Variants in CAMK1D observed in about 807,000 individuals in gnomAD.
CAMK1D encodes calcium/calmodulin dependent protein kinase ID, also known as calcium/calmodulin-dependent protein kinase type 1D.
A neutral mutation model predicts 47.7 loss-of-function variants in CAMK1D; 9 were observed. That is an observed-to-expected ratio of 0.19 (90% CI 0.11 to 0.33). The LOEUF (loss-of-function observed/expected upper bound fraction) is 0.33, where lower values mean the gene tolerates loss of function less well. CAMK1D is among the 10% of genes least tolerant of loss of function. The pLI, the probability that CAMK1D is intolerant of heterozygous loss-of-function variation, is 1.00. For synonymous variants in CAMK1D, 184 were observed against 184.9 expected, an observed-to-expected ratio of 0.99 and a Z score of 0.04; for missense variants, 291 against 488.7, an observed-to-expected ratio of 0.60 and a Z score of 3.81.
chr10:12,522,729 G>A, intron 1 of CAMK1D, among the ~76,000 whole-genome samples: 7 of 151,382 alleles, frequency 4.6e-5, no homozygotes, highest in South Asian at 2.1e-4. Context: ...TCCCAGACGG[G>A]GTGGTGGCCG....
At position 12,349,619 on chromosome 10, in the gene CAMK1D, G is replaced by A. The variant is rs145905575; in HGVS notation, c.-200G>A. ...CGGCGGCGGCAGGAAGTCTGTGCCC[G>A]AGAACAGCAGAAATAAGAGCCAGGG... On this transcript the variant is annotated 5_prime_UTR_variant, in exon 1 of 11. Transcript: ENST00000619168. 4,770 of 157,434 alleles carry A rather than the reference G, an allele frequency of 0.03. 102 individuals carry two copies. The highest frequency in any genetic ancestry group is 0.049 in the Non-Finnish European group (3,529 of 71,910). The allele number at this position is 157,434 out of a possible 1,614,324, so 9.8% of individuals were successfully genotyped here.
At chr10:12,630,289 C>T in intron 2 of CAMK1D, among the ~76,000 whole-genome samples, 1 of 151,656 alleles carries the variant, frequency 6.6e-6, no homozygotes, top group South Asian at 2.1e-4. Context: ...CCCCTTAAAT[C>T]CCCCTTCTGC....
At chr10:12,357,113 T>C (rs149912371) in intron 1 of CAMK1D, among the ~76,000 whole-genome samples, 117 of 152,268 alleles carry the variant, frequency 7.7e-4, no homozygotes, top group Admixed American at 2.4e-3. Context: ...CAGCGGAGAT[T>C]TGTCACATTA....
In CAMK1D at chr10:12,425,373, C is replaced by T. The variant is rs139172337; in HGVS notation, c.92+75463C>T. ...CTCGGCTCACTGCAACTTCTGGCGT[C>T]TAGGTTCCAGTGATTCTCCTGCCTC... On this transcript the variant is annotated intron_variant, in intron 1 of 10. Coordinates refer to ENST00000619168, the MANE Select transcript of CAMK1D (RefSeq NM_153498.4). Among the ~76,000 whole-genome samples, 564 of 151,374 alleles carry T rather than the reference C, an allele frequency of 3.7e-3. 1 individual carries two copies. Among genetic ancestry groups the T allele is most frequent in the African/African-American group, 0.013 (519 of 41,248 alleles).
At chr10:12,361,018 A>AT (rs1339803302) in intron 1 of CAMK1D, among the ~76,000 whole-genome samples, 1 of 152,154 alleles carries the variant, frequency 6.6e-6, no homozygotes, top group Non-Finnish European at 1.5e-5. Context: ...AACAGCAACA[A>AT]CAAGCTTTCA....
chr10:12,432,472 TAAATCAATG>T (rs1419568416), intron 1 of CAMK1D, among the ~76,000 whole-genome samples: 1 of 151,628 alleles, frequency 6.6e-6, no homozygotes, highest in Admixed American at 6.6e-5. Context: ...AATTAATAAA[TAAATCAATG>T]AATGAGCGAA....
chr10:12,528,169 C>T (rs759257649), intron 1 of CAMK1D, among the ~76,000 whole-genome samples: 4 of 152,190 alleles, frequency 2.6e-5, no homozygotes, highest in Non-Finnish European at 4.4e-5. Flanking sequence ...GCCAAGGTCA[C>T]ATAGCTAGTT....
chr10:12,350,311 T>A (rs1341372207), intron 1 of CAMK1D, among the ~76,000 whole-genome samples: 1 of 152,210 alleles, frequency 6.6e-6, no homozygotes, highest in African/African-American at 2.4e-5. Context: ...CGAGACGTGG[T>A]CACGAGAAGA....
At chr10:12,454,457 C>T (rs938750989) in intron 1 of CAMK1D, among the ~76,000 whole-genome samples, 4 of 149,370 alleles carry the variant, frequency 2.7e-5, no homozygotes, top group Admixed American at 6.7e-5. Flanking sequence ...CCACCACTCC[C>T]GGCCGAATTT....
At chr10:12,375,093 G>A (rs558393017) in intron 1 of CAMK1D, among the ~76,000 whole-genome samples, 125 of 152,188 alleles carry the variant, frequency 8.2e-4, no homozygotes, top group Non-Finnish European at 1.2e-3. Context: ...CACTCACTGC[G>A]CCTGAGCTGT....
At chr10:12,531,000 G>A (rs1040425248) in intron 1 of CAMK1D, among the ~76,000 whole-genome samples, 1 of 151,608 alleles carries the variant, frequency 6.6e-6, no homozygotes, top group African/African-American at 2.4e-5. Context: ...GAAGGTTGCA[G>A]TGAGCCAAGA....
chr10:12,724,764 G>A (rs1257799974), intron 3 of CAMK1D, among the ~76,000 whole-genome samples: 1 of 152,110 alleles, frequency 6.6e-6, no homozygotes, highest in African/African-American at 2.4e-5. Context: ...AGTTCTGTGG[G>A]CCTTCACTTG....
intron 3 of CAMK1D, among the ~76,000 whole-genome samples, chr10:12,676,666 G>C (rs1840818704): frequency 6.6e-6 from 1 of 152,134 alleles, no homozygotes; most frequent in South Asian, 2.1e-4. Context: ...CCAAATCAGT[G>C]AGCAACCCAG....
chr10:12,446,722 A>T (rs546360659), intron 1 of CAMK1D, among the ~76,000 whole-genome samples: 3 of 152,234 alleles, frequency 2.0e-5, no homozygotes, highest in Admixed American at 2.0e-4. Context: ...CTCTTTTTGC[A>T]GTTGGAGACT....
At chr10:12,466,747 A>C (rs1409987223) in intron 1 of CAMK1D, among the ~76,000 whole-genome samples, 1 of 152,144 alleles carries the variant, frequency 6.6e-6, no homozygotes, top group East Asian at 1.9e-4. Flanking sequence ...CTCTGACCTT[A>C]GGAAGGATCT....
At chr10:12,709,527 C>T (rs1300744601) in intron 3 of CAMK1D, among the ~76,000 whole-genome samples, 1 of 152,106 alleles carries the variant, frequency 6.6e-6, no homozygotes, top group Non-Finnish European at 1.5e-5. Context: ...AGTATTGAGA[C>T]AGCCCAAAGC....
At chr10:12,387,791 G>A (rs868264514) in intron 1 of CAMK1D, among the ~76,000 whole-genome samples, 1 of 151,942 alleles carries the variant, frequency 6.6e-6, no homozygotes, top group African/African-American at 2.4e-5. Context: ...TACCTGGCCT[G>A]TGTGTGTATC....
chr10:12,455,744 G>C (rs577028117), intron 1 of CAMK1D, among the ~76,000 whole-genome samples: 2 of 152,182 alleles, frequency 1.3e-5, no homozygotes, highest in Non-Finnish European at 2.9e-5. Context: ...GATGGAGTAT[G>C]AGTTATTGAT....
chr10:12,481,536 G>A (rs12781078), intron 1 of CAMK1D, among the ~76,000 whole-genome samples: 22,590 of 151,810 alleles, frequency 0.15, 1,740 homozygotes, highest in Non-Finnish European at 0.18. Flanking sequence ...TTGAGATGGA[G>A]TCTCGCCCTG....
Sources: allele counts gnomAD v4.1 joint callset (sites outside exome capture counted in the v4.1 genomes callset), GRCh38; gene constraint gnomAD v4.1.1; transcripts MANE v1.5; gene names NCBI Gene and HGNC (gene_info 2026-07-23, HGNC 2026-07-21).